PCDHGB1: variants seen among roughly 807,000 people sequenced by gnomAD.
PCDHGB1 encodes protocadherin gamma subfamily B, 1, also known as protocadherin gamma-B1.
Under a neutral mutation model 56.6 loss-of-function variants are expected in PCDHGB1, and 34 were observed. The ratio of observed to expected loss-of-function variants is 0.60; its 90% CI spans 0.46 to 0.80. The LOEUF is 0.80. Among genes scored for constraint, PCDHGB1 ranks in the 30% least tolerant of loss-of-function variants. The probability of loss-of-function intolerance (pLI) is 0.00; values close to 1 mark genes in which losing one functional copy is unlikely to be tolerated. For synonymous variants in PCDHGB1, 561 were observed against 505.9 expected (o/e 1.11, Z -1.46); for missense variants, 1,278 against 1,204.6 (o/e 1.06, Z -0.90).
chr5:141,435,807 T>A (rs2097781241), intron 1 of PCDHGB1, among the ~76,000 whole-genome samples: 1 of 152,040 alleles, frequency 6.6e-6, no homozygotes, highest in South Asian at 2.1e-4. Context: ...CCCAATTATT[T>A]TTTCTTTCTT....
chr5:141,423,288 C>T, intron 1 of PCDHGB1: 1 of 1,586,414 alleles, frequency 6.3e-7, no homozygotes, highest in African/African-American at 1.3e-5. Context: ...ACTCTGAAAC[C>T]TCAGACCTCT....
At chr5:141,469,372 C>A (rs780872014) in intron 1 of PCDHGB1, among the ~76,000 whole-genome samples, 1 of 151,990 alleles carries the variant, frequency 6.6e-6, no homozygotes, top group East Asian at 1.9e-4. Context: ...GTAAAGAGAT[C>A]GAGACCATCC....
In PCDHGB1 at chr5:141,477,080, A is replaced by G; in HGVS notation, c.2410-17727A>G. 1.9e-6 allele frequency: 3 copies of G among 1,614,254 alleles called. No homozygotes were observed. The highest frequency in any genetic ancestry group is 2.5e-6 in the Non-Finnish European group (3 of 1,180,042). ...GGACACCAAACTCCATGAGATTTAC[A>G]TCCAGGCCAAAGACAAGGGCGCCAA... On this transcript the variant is annotated intron_variant, in intron 1 of 3. Coordinates refer to ENST00000523390, the MANE Select transcript of PCDHGB1 (RefSeq NM_018922.3). The surrounding 1 kb of genome is among the most constrained non-coding windows in gnomAD (Gnocchi z 4.9).
At chr5:141,428,122 G>T in intron 1 of PCDHGB1, 1 of 1,606,172 alleles carries the variant, frequency 6.2e-7, no homozygotes, top group Non-Finnish European at 8.5e-7. Flanking sequence ...ATCGAGCCCG[G>T]GCTTTTCAGC....
At chr5:141,453,420 C>A (rs2098764964) in intron 1 of PCDHGB1, among the ~76,000 whole-genome samples, 1 of 152,054 alleles carries the variant, frequency 6.6e-6, no homozygotes, top group African/African-American at 2.4e-5. Context: ...GCATAAGCCA[C>A]CACACCTAGC....
intron 1 of PCDHGB1, chr5:141,478,523 G>T (rs2099461821): frequency 6.2e-7 from 1 of 1,609,908 alleles, no homozygotes; most frequent in Non-Finnish European, 8.5e-7. Context: ...GGTGTTGGGT[G>T]CAGAGAGCGC....
intron 1 of PCDHGB1, chr5:141,403,598 G>T: frequency 6.2e-7 from 1 of 1,613,820 alleles, no homozygotes; most frequent in Non-Finnish European, 8.5e-7. Context: ...CACGGCCTCG[G>T]ATGGCGGCGA....
In PCDHGB1 at chr5:141,355,471, G is replaced by C. The variant is rs1316340611; in HGVS notation, c.2409+2802G>C. 1.9e-6 allele frequency: 3 copies of C among 1,614,102 alleles called. No homozygotes were observed. Among genetic ancestry groups the C allele is most frequent in the East Asian group, 2.2e-5 (1 of 44,890 alleles). On this transcript the variant is annotated intron_variant, in intron 1 of 3. Coordinates refer to ENST00000523390, the MANE Select transcript of PCDHGB1 (RefSeq NM_018922.3). Reference sequence around the variant, plus strand: ...CACCTTGGTCACCGCGGGTAGGATAGACAGGGAGGAGCTCTGCGACAGATC... The same window carrying C: ...CACCTTGGTCACCGCGGGTAGGATACACAGGGAGGAGCTCTGCGACAGATC...
At chr5:141,382,839 T>TA in intron 1 of PCDHGB1, 1 of 1,450,270 alleles carries the variant, frequency 6.9e-7, no homozygotes, top group South Asian at 1.4e-5. Flanking sequence ...TCCACCCGGA[T>TA]ACACCCGCAT....
chr5:141,432,139 TATCCCAGAGAACA>T lies in PCDHGB1; in HGVS notation c.2410-62658_2410-62646del, dbSNP rs745506362. On this transcript the variant is annotated intron_variant, in intron 1 of 3. Transcript: ENST00000523390. The surrounding 1 kb of genome is among the most constrained non-coding windows in gnomAD (Gnocchi z 6.0). ...TCCCTCAGGCCTCCTATTCCGCTTA[TATCCCAGAGAACA>T]ATCCCAGAGGAGTTTCCCTCGTCTC... 1.1e-5 allele frequency: 17 copies of T among 1,613,976 alleles called. No individual in the cohort carries two copies. The highest frequency in any genetic ancestry group is 1.3e-5 in the African/African-American group (1 of 74,892).
chr5:141,356,912 G>C (rs376285031), intron 1 of PCDHGB1: 48 of 1,614,012 alleles, frequency 3.0e-5, no homozygotes, highest in Non-Finnish European at 3.5e-5. Context: ...CCTACTGATG[G>C]CTCCACTGGT....
chr5:141,406,477 A>G (rs1233914824), intron 1 of PCDHGB1, among the ~76,000 whole-genome samples: 1 of 152,166 alleles, frequency 6.6e-6, no homozygotes, highest in Non-Finnish European at 1.5e-5. Flanking sequence ...TTGAGGTTAT[A>G]TTTTTCAGAT....
intron 3 of PCDHGB1, among the ~76,000 whole-genome samples, chr5:141,508,943 CAG>C (rs1562237475): frequency 1.3e-5 from 2 of 151,982 alleles, no homozygotes; most frequent in Admixed American, 6.6e-5. Context: ...TTAGGGAAAA[CAG>C]AGAAATGTCA....
At chr5:141,360,319 C>A (rs1761531908) in intron 1 of PCDHGB1, 2 of 1,613,782 alleles carry the variant, frequency 1.2e-6, no homozygotes, top group African/African-American at 2.7e-5. Flanking sequence ...CCGGGACTTG[C>A]CAGCCCGGAA....
intron 1 of PCDHGB1, among the ~76,000 whole-genome samples, chr5:141,450,826 A>ATT (rs764729742): frequency 0.025 from 3,390 of 134,266 alleles, 60 homozygotes; most frequent in Middle Eastern, 0.057. Flanking sequence ...TATTATTATT[A>ATT]TTATTTTTTT....
At chr5:141,403,058 C>A in intron 1 of PCDHGB1, 1 of 1,614,060 alleles carries the variant, frequency 6.2e-7, no homozygotes, top group Non-Finnish European at 8.5e-7. Context: ...CTACTCAGTG[C>A]CTGAAGAGAC....
At chr5:141,386,183 A>G (rs201653759) in intron 1 of PCDHGB1, among the ~76,000 whole-genome samples, 1 of 152,230 alleles carries the variant, frequency 6.6e-6, no homozygotes, top group East Asian at 1.9e-4. Context: ...CATCTTATGT[A>G]CACAGATCCT....
chr5:141,501,290 T>TACACATACACAC (rs1224133816), intron 2 of PCDHGB1, among the ~76,000 whole-genome samples: 9 of 136,158 alleles, frequency 6.6e-5, no homozygotes, highest in Admixed American at 1.6e-4. Context: ...TATTCCCTTA[T>TACACATACACAC]ACACACACAC....
At position 141,413,426 on chromosome 5, in the gene PCDHGB1, G is replaced by T. The variant is rs138985917; in HGVS notation, c.2409+60757G>T. On this transcript the variant is annotated intron_variant, in intron 1 of 3. Transcript: ENST00000523390. Reference sequence around the variant, plus strand: ...ACGCAGCTTTTCTCTCTGAACCCGCGCAGCGGCAGCTTGATCACCGCGGGC... The same window carrying T: ...ACGCAGCTTTTCTCTCTGAACCCGCTCAGCGGCAGCTTGATCACCGCGGGC... 776 of 1,614,090 alleles carry T rather than the reference G, an allele frequency of 4.8e-4. 5 individuals carry two copies. The African/African-American group carries it at 9.2e-3, about 19-fold the overall frequency.
Sources: allele counts gnomAD v4.1 joint callset (sites outside exome capture counted in the v4.1 genomes callset), GRCh38; gene constraint gnomAD v4.1.1; non-coding constraint Gnocchi (gnomAD v3.1); transcripts MANE v1.5; gene names NCBI Gene and HGNC (gene_info 2026-07-23, HGNC 2026-07-21).